AGPAT5: variants seen among roughly 807,000 people sequenced by gnomAD.
AGPAT5 encodes the protein 1-acyl-sn-glycerol-3-phosphate acyltransferase epsilon.
AGPAT5 carries 46 observed loss-of-function variants against 45.6 expected under a neutral mutation model. The ratio of observed to expected loss-of-function variants is 1.01; its 90% CI spans 0.80 to 1.29. The LOEUF (loss-of-function observed/expected upper bound fraction) is 1.29. Ranked by LOEUF, AGPAT5 falls within the 50% of genes most tolerant of loss-of-function variation. The probability of loss-of-function intolerance (pLI) is 0.00; values close to 1 mark genes in which losing one functional copy is unlikely to be tolerated. For missense variants in AGPAT5, 673 were observed against 450.7 expected, an observed-to-expected ratio of 1.49 and a Z score of -4.47; for synonymous variants, 272 against 167.0, an observed-to-expected ratio of 1.63 and a Z score of -4.85.
At chr8:6,713,610 A>G (rs935528239) in intron 1 of AGPAT5, among the ~76,000 whole-genome samples, 5 of 152,208 alleles carry the variant, frequency 3.3e-5, no homozygotes, top group South Asian at 4.1e-4. Flanking sequence ...CCAGAGGTGC[A>G]GTGGTGCAGT....
intron 1 of AGPAT5, among the ~76,000 whole-genome samples, chr8:6,712,219 T>TGGGA (rs1800178331): frequency 2.0e-5 from 3 of 152,232 alleles, no homozygotes; most frequent in African/African-American, 7.2e-5. Flanking sequence ...TTTAGTTTCT[T>TGGGA]ATTTACAGAT....
chr8:6,757,225 G>C lies in AGPAT5; in HGVS notation c.932G>C (p.Ser311Thr), dbSNP rs1376875392. 4 of 1,614,112 alleles carry C rather than the reference G, an allele frequency of 2.5e-6. No homozygotes were observed. The highest frequency in any genetic ancestry group is 3.4e-6 in the Non-Finnish European group (4 of 1,180,050). The change falls in exon 8 of 8, where the codon AGT becomes ACT. Residue 311 changes from serine to threonine, a missense_variant. By Grantham distance (58) the Ser-to-Thr change is moderately conservative. Coordinates refer to ENST00000285518, the MANE Select transcript of AGPAT5 (RefSeq NM_018361.5). Reference protein sequence around the residue: ...PERRKRFPGKSVNSKLSIKKT... With the variant: ...PERRKRFPGKTVNSKLSIKKT... ...AGAAGAAAAAGATTTCCTGGGAAAA[G>C]TGTTAATTCCAAATTAAGTATCAAG... is the stretch of plus-strand genomic sequence containing the variant.
intron 2 of AGPAT5, among the ~76,000 whole-genome samples, chr8:6,727,113 T>C (rs749729267): frequency 5.9e-5 from 9 of 152,302 alleles, no homozygotes; most frequent in Non-Finnish European, 1.2e-4. Context: ...AAAATGTAAT[T>C]AGCGGAAAGA....
intron 6 of AGPAT5, among the ~76,000 whole-genome samples, chr8:6,754,140 G>C (rs1039314499): frequency 1.3e-5 from 2 of 152,202 alleles, no homozygotes; most frequent in Non-Finnish European, 2.9e-5. Flanking sequence ...ACTTAAATAT[G>C]TTAACATTCT....
chr8:6,757,193 T>C lies in AGPAT5; in HGVS notation c.900T>C (p.Asp300=), dbSNP rs1209185488. ...KMLIEFYESP[D]PERRKRFPGK... ...TTATAGAATTTTATGAGTCACCAGATCCAGAAAGAAGAAAAAGATTTCCTG... is the reference window on the plus strand; with the variant it reads ...TTATAGAATTTTATGAGTCACCAGACCCAGAAAGAAGAAAAAGATTTCCTG... The change falls in exon 8 of 8, where the codon GAT becomes GAC. Residue 300 remains aspartate (D), a synonymous_variant. Transcript: ENST00000285518. 3 of 1,613,894 alleles carry C rather than the reference T, an allele frequency of 1.9e-6. No homozygotes were observed. Among genetic ancestry groups the C allele is most frequent in the Non-Finnish European group, 8.5e-7 (1 of 1,180,010 alleles).
chr8:6,755,039 G>A lies in AGPAT5; in HGVS notation c.746-12G>A. 1.3e-6 allele frequency: 2 copies of A among 1,556,582 alleles called. No homozygotes were observed. The highest frequency in any genetic ancestry group is 1.7e-6 in the Non-Finnish European group (2 of 1,154,334). ...ATAGTAAAAAAAAAGAATTATTTTT[G>A]TTCTTTGTTAGAATTTCTCTGCAAA... On this transcript the variant is annotated splice_polypyrimidine_tract_variant and intron_variant, in intron 6 of 7. Coordinates refer to ENST00000285518, the MANE Select transcript of AGPAT5 (RefSeq NM_018361.5).
chr8:6,712,829 T>C (rs1245123057), intron 1 of AGPAT5, among the ~76,000 whole-genome samples: 1 of 152,262 alleles, frequency 6.6e-6, no homozygotes, highest in Non-Finnish European at 1.5e-5. Flanking sequence ...CTTTTTAGCA[T>C]GTTCTGTGAA....
chr8:6,744,413 C>G (rs1801356785), intron 5 of AGPAT5, among the ~76,000 whole-genome samples: 1 of 152,194 alleles, frequency 6.6e-6, no homozygotes, highest in Admixed American at 6.5e-5. Flanking sequence ...AACTTGGTGG[C>G]TTAAAACACC....
chr8:6,725,248 C>G (rs1542849), intron 2 of AGPAT5, among the ~76,000 whole-genome samples: 11,924 of 152,174 alleles, frequency 0.078, 736 homozygotes, highest in African/African-American at 0.17. Flanking sequence ...AGTGATGTTT[C>G]TAGAAGTAGC....
At chr8:6,731,847 C>A (rs1408928381) in intron 3 of AGPAT5, among the ~76,000 whole-genome samples, 4 of 152,158 alleles carry the variant, frequency 2.6e-5, no homozygotes, top group African/African-American at 9.7e-5. Flanking sequence ...TCTCCCAAGG[C>A]CTCTCTCCCA....
chr8:6,732,668 T>A lies in AGPAT5; in HGVS notation c.495+18T>A, dbSNP rs756210228. 3 of 1,558,244 alleles carry A rather than the reference T, an allele frequency of 1.9e-6. No homozygotes were observed. The highest frequency in any genetic ancestry group is 2.8e-5 in the African/African-American group (2 of 71,950). ...GAACTCCAGTAAGAGCCTACCCGTT[T>A]TTATTTTTCTTACCAGCTCTCAGTT... is the stretch of plus-strand genomic sequence containing the variant. On this transcript the variant is annotated intron_variant, in intron 4 of 7. Transcript: ENST00000285518.
At chr8:6,731,007 C>G (rs564221250) in intron 3 of AGPAT5, among the ~76,000 whole-genome samples, 181 bp downstream of exon 3, 3 of 151,474 alleles carry the variant, frequency 2.0e-5, no homozygotes, top group Non-Finnish European at 4.4e-5. Flanking sequence ...TAGTTGGGAC[C>G]GTAGGTGCCC....
chr8:6,708,914 C>A, intron 1 of AGPAT5, 27 bp downstream of exon 1: 2 of 1,584,284 alleles, frequency 1.3e-6, no homozygotes, highest in Non-Finnish European at 8.6e-7. Flanking sequence ...TCCCGGGTCT[C>A]GGCGTCCACC....
At chr8:6,708,910 G>A in intron 1 of AGPAT5, 23 bp downstream of exon 1, 1 of 1,587,622 alleles carries the variant, frequency 6.3e-7, no homozygotes, top group Non-Finnish European at 8.6e-7. Flanking sequence ...CCGCTCCCGG[G>A]TCTCGGCGTC....
Position 6,743,673 on chromosome 8 carries a change from C to T in AGPAT5, c.586+1922C>T, listed in dbSNP as rs537194555. 9.6e-4 allele frequency among the ~76,000 whole-genome samples: 146 copies of T among 151,914 alleles called. 1 individual carries two copies. In the Middle Eastern group the frequency reaches 0.021, roughly 21 times the overall value. ...TTTGTTTTAACTAATTTTCCTTAGA[C>T]TTGTTTTAGGTATTTGGCTTTCTAA... On this transcript the variant is annotated intron_variant, in intron 5 of 7. Coordinates refer to ENST00000285518, the MANE Select transcript of AGPAT5 (RefSeq NM_018361.5).
At chr8:6,716,525 C>T (rs1320128182) in intron 1 of AGPAT5, among the ~76,000 whole-genome samples, 1 of 151,876 alleles carries the variant, frequency 6.6e-6, no homozygotes, top group African/African-American at 2.4e-5. Context: ...GAGTGAGACC[C>T]TGTCTCAAAA....
Position 6,728,320 on chromosome 8 carries a change from A to G in AGPAT5, c.290-2391A>G, listed in dbSNP as rs79721216. Among the ~76,000 whole-genome samples, 533 of 152,388 alleles carry G rather than the reference A, an allele frequency of 3.5e-3. 3 individuals carry two copies. Among genetic ancestry groups the G allele is most frequent in the African/African-American group, 0.012 (509 of 41,598 alleles). ...ATATAATCTCAGCTGTAACTGAGAT[A>G]GTCAGAAACTGTCTGTAATCTGATG... is the stretch of plus-strand genomic sequence containing the variant. On this transcript the variant is annotated intron_variant, in intron 2 of 7. Transcript: ENST00000285518.
intron 2 of AGPAT5, among the ~76,000 whole-genome samples, chr8:6,729,012 T>C (rs906911608): frequency 4.6e-5 from 7 of 152,186 alleles, no homozygotes; most frequent in African/African-American, 1.7e-4. Context: ...GGGAGAATCT[T>C]TGCAAGCAAC....
At chr8:6,744,901 G>A (rs951195195) in intron 5 of AGPAT5, among the ~76,000 whole-genome samples, 1 of 152,168 alleles carries the variant, frequency 6.6e-6, no homozygotes, top group Non-Finnish European at 1.5e-5. Flanking sequence ...TTCCTTAGCA[G>A]TGGAGAACAT....
Sources: allele counts gnomAD v4.1 joint callset (sites outside exome capture counted in the v4.1 genomes callset), GRCh38; gene constraint gnomAD v4.1.1; transcripts MANE v1.5; gene names NCBI Gene and HGNC (gene_info 2026-07-23, HGNC 2026-07-21).